ARHGAP5: variants seen among roughly 807,000 people sequenced by gnomAD.
ARHGAP5 encodes rho GTPase-activating protein 5.
A neutral mutation model predicts 116.6 loss-of-function variants in ARHGAP5; 23 were observed. The observed-to-expected ratio is 0.20, with a 90% CI of 0.14 to 0.28. The LOEUF (loss-of-function observed/expected upper bound fraction) is 0.28. ARHGAP5 is among the 10% of genes least tolerant of loss of function. The pLI is 1.00. For synonymous variants in ARHGAP5, 574 were observed against 602.0 expected (o/e 0.95, Z 0.68); for missense variants, 1,405 against 1,774.8 (o/e 0.79, Z 3.74).
Position 32,157,267 on chromosome 14 carries a change from T to G in ARHGAP5, c.*2319T>G, listed in dbSNP as rs946790960. On this transcript the variant is annotated 3_prime_UTR_variant, in exon 7 of 7. Coordinates refer to ENST00000345122, the MANE Select transcript of ARHGAP5 (RefSeq NM_001030055.2). ...TTTGTTTTTGCCAAGGGTTTAGATA[T>G]GCTTTTAAATATTAGAAACATCTAA... 6.6e-6 allele frequency: 1 copy of G among 152,144 alleles called. No individual in the cohort carries two copies. Among genetic ancestry groups the G allele is most frequent in the Non-Finnish European group, 1.5e-5 (1 of 67,760 alleles). 9.4% of individuals were successfully genotyped at this position (152,144 alleles called of 1,614,324 possible).
At chr14:32,145,312 C>T (rs1881324698) in intron 3 of ARHGAP5, among the ~76,000 whole-genome samples, 1 of 152,202 alleles carries the variant, frequency 6.6e-6, no homozygotes, top group Non-Finnish European at 1.5e-5. Flanking sequence ...GAAGTCTAGG[C>T]TTCCCAGTTG....
intron 5 of ARHGAP5, 94 bp downstream of exon 5, chr14:32,150,127 T>A: frequency 9.7e-7 from 1 of 1,027,278 alleles, no homozygotes; most frequent in Non-Finnish European, 1.3e-6. Context: ...CTAGAATATG[T>A]AGCTAATAAA....
intron 1 of ARHGAP5, among the ~76,000 whole-genome samples, chr14:32,079,027 T>C (rs2041744562): frequency 1.3e-5 from 2 of 152,214 alleles, no homozygotes; most frequent in Non-Finnish European, 2.9e-5. Flanking sequence ...CCATTACCTT[T>C]ATCTGTAGTA....
chr14:32,079,900 A>G (rs2041755048), intron 1 of ARHGAP5, among the ~76,000 whole-genome samples: 1 of 152,196 alleles, frequency 6.6e-6, no homozygotes, highest in Non-Finnish European at 1.5e-5. Context: ...TAATTGGCTG[A>G]AGAAGCATTG....
rs1039399162 is a variant in ARHGAP5 at position 32,154,723 on chromosome 14, G to T, written c.4284G>T (p.Leu1428=). 3.7e-6 allele frequency: 6 copies of T among 1,613,996 alleles called. No homozygotes were observed. In the Admixed American group the frequency reaches 6.7e-5, roughly 18 times the overall value. The change falls in exon 7 of 7, where the codon CTG becomes CTT. Residue 1428 remains leucine, a synonymous_variant. Transcript: ENST00000345122. ...CTGATTTTGAAAATCGAGAGTTTCT[G>T]TCTACTACTAAGATTCATCAATCTG... ...MRPDFENREF[L]STTKIHQSVV...
Position 32,093,143 on chromosome 14 carries a change from A to C in ARHGAP5, c.2474A>C (p.Lys825Thr). The C allele has an allele frequency of 1.2e-6, 2 of 1,614,018 alleles. No individual in the cohort carries two copies. Among genetic ancestry groups the C allele is most frequent in the South Asian group, 2.2e-5 (2 of 91,066 alleles). The change falls in exon 2 of 7, where the codon AAA becomes ACA. Residue 825 changes from lysine to threonine, a missense_variant. Physicochemically the swap from Lys to Thr is moderately conservative, Grantham distance 78. Transcript: ENST00000345122. ...SLMLDKIIGE[K>T]RRRIQITILS... Reference sequence around the variant, plus strand: ...ATGCTTGATAAAATCATTGGTGAAAAAAGGAGGCGAATACAGATCACAATA... The same window carrying C: ...ATGCTTGATAAAATCATTGGTGAAACAAGGAGGCGAATACAGATCACAATA...
chr14:32,128,551 C>T (rs546317497), intron 3 of ARHGAP5, among the ~76,000 whole-genome samples: 3 of 152,354 alleles, frequency 2.0e-5, no homozygotes, highest in East Asian at 1.9e-4. Context: ...GAGGCTGGCC[C>T]GCCTCTGCGT....
chr14:32,083,252 A>G (rs943569326), intron 1 of ARHGAP5, among the ~76,000 whole-genome samples: 1 of 152,270 alleles, frequency 6.6e-6, no homozygotes, highest in Non-Finnish European at 1.5e-5. Flanking sequence ...ACATTTTGAA[A>G]TGGTTGGGGG....
At position 32,152,676 on chromosome 14, in the gene ARHGAP5, A is replaced by G. The variant is rs1156554956; in HGVS notation, c.4181+148A>G. On this transcript the variant is annotated intron_variant, in intron 6 of 6. Coordinates refer to ENST00000345122, the MANE Select transcript of ARHGAP5 (RefSeq NM_001030055.2). ...ATTTTGTTTTTCTAATTTATATCTAAAAAGATATATGATTAGTTTTGTAAT... is the reference window on the plus strand; with the variant it reads ...ATTTTGTTTTTCTAATTTATATCTAGAAAGATATATGATTAGTTTTGTAAT... The G allele has an allele frequency of 5.2e-5, 25 of 484,416 alleles. No homozygotes were observed. The South Asian group carries it at 7.4e-4, about 14-fold the overall frequency. 30.0% of individuals were successfully genotyped at this position (484,416 alleles called of 1,614,324 possible). A position where few individuals can be genotyped will look rare whatever the true frequency, so the allele number is the denominator to read the frequency against.
Position 32,091,431 on chromosome 14 carries a change from A to G in ARHGAP5, c.762A>G (p.Lys254=). 2 of 1,610,774 alleles carry G rather than the reference A, an allele frequency of 1.2e-6. No homozygotes were observed. The highest frequency in any genetic ancestry group is 1.7e-6 in the Non-Finnish European group (2 of 1,178,808). ...TGGATAAAACTCGTAGCAAGCCTAA[A>G]ATTATTCCCTATTTGGATGCTTATA... ...QMLDKTRSKP[K]IIPYLDAYKT... Residue 254 remains lysine, a synonymous_variant, in exon 2 of 7, where the codon AAA becomes AAG. Coordinates refer to ENST00000345122, the MANE Select transcript of ARHGAP5 (RefSeq NM_001030055.2).
chr14:32,091,983 G>A lies in ARHGAP5; in HGVS notation c.1314G>A (p.Leu438=). Residue 438 remains leucine, a synonymous_variant, in exon 2 of 7, where the codon TTG becomes TTA. Coordinates refer to ENST00000345122, the MANE Select transcript of ARHGAP5 (RefSeq NM_001030055.2). ...VEMKEKFKKT[L]EKIQFISPGQ... is the part of the protein sequence containing the mutation. ...TGAAGGAAAAATTCAAAAAGACTTT[G>A]GAAAAAATTCAATTCATTTCACCAG... The A allele has an allele frequency of 6.2e-7, 1 of 1,613,618 alleles. No homozygotes were observed. The highest frequency in any genetic ancestry group is 8.5e-7 in the Non-Finnish European group (1 of 1,179,684).
rs140370637 is a variant in ARHGAP5, at chr14:32,098,207, T to C, written c.3717+3821T>C. ...GGTGGTAGTGTGTATGCTCATTCTA[T>C]CATATAATATAAAACTTCAAGACAG... On this transcript the variant is annotated intron_variant, in intron 2 of 6. Transcript: ENST00000345122. Among the ~76,000 whole-genome samples, 543 of 152,296 alleles carry C rather than the reference T, an allele frequency of 3.6e-3. 4 individuals are homozygous for C. Among genetic ancestry groups the C allele is most frequent in the African/African-American group, 0.012 (519 of 41,576 alleles).
rs190485053 is a variant in ARHGAP5, at chr14:32,091,149, A to G, written c.480A>G (p.Leu160=). 13 of 1,613,708 alleles carry G rather than the reference A, an allele frequency of 8.1e-6. No homozygotes were observed. The Admixed American group carries it at 1.3e-4, about 17-fold the overall frequency. Reference sequence around the variant, plus strand: ...GGAAGCTCAACGTAGATGGATTTTTATTATGCATTGATGTAAGTCAAGGAT... The same window carrying G: ...GGAAGCTCAACGTAGATGGATTTTTGTTATGCATTGATGTAAGTCAAGGAT... ...PEGKLNVDGF[L]LCIDVSQGCN... The change falls in exon 2 of 7, where the codon TTA becomes TTG. Residue 160 remains leucine, a synonymous_variant. Transcript: ENST00000345122.
intron 1 of ARHGAP5, among the ~76,000 whole-genome samples, chr14:32,082,134 G>A (rs570840474): frequency 1.3e-5 from 2 of 152,292 alleles, no homozygotes; most frequent in Admixed American, 6.5e-5. Context: ...ACCTCCTGCT[G>A]TGCAGCCCAG....
chr14:32,143,202 A>T (rs376765233), intron 3 of ARHGAP5, among the ~76,000 whole-genome samples: 13 of 145,440 alleles, frequency 8.9e-5, no homozygotes, highest in East Asian at 6.1e-4. Context: ...ACATTATTTT[A>T]GTTGTTGTTG....
chr14:32,146,055 C>T (rs1881362511), intron 3 of ARHGAP5, among the ~76,000 whole-genome samples: 1 of 151,850 alleles, frequency 6.6e-6, no homozygotes, highest in African/African-American at 2.4e-5. Context: ...GCTACAGGTG[C>T]ATGCCACCAT....
intron 1 of ARHGAP5, among the ~76,000 whole-genome samples, chr14:32,088,313 TAA>T (rs2041851142): frequency 6.6e-6 from 1 of 152,000 alleles, no homozygotes; most frequent in Admixed American, 6.6e-5. Flanking sequence ...AATCACCAGA[TAA>T]GTCTTCTTTT....
rs1881701106 is a variant in ARHGAP5 at position 32,152,757 on chromosome 14, C to G, written c.4181+229C>G. ...AGTATATTTTCCTTTTTACCACATT[C>G]TCTGTAAAATCTTAGAATTTTAGAT... On this transcript the variant is annotated intron_variant, in intron 6 of 6. Coordinates refer to ENST00000345122, the MANE Select transcript of ARHGAP5 (RefSeq NM_001030055.2). Among the ~76,000 whole-genome samples the G allele has an allele frequency of 2.0e-5, 3 of 152,164 alleles. No homozygotes were observed. In the South Asian group the frequency reaches 6.2e-4, roughly 32 times the overall value.
chr14:32,128,430 C>G (rs918439181), intron 3 of ARHGAP5, among the ~76,000 whole-genome samples: 11 of 152,258 alleles, frequency 7.2e-5, no homozygotes, highest in Non-Finnish European at 2.9e-5. Flanking sequence ...CTTGCAAGGG[C>G]GTGGCCCGCC....
Sources: allele counts gnomAD v4.1 joint callset (sites outside exome capture counted in the v4.1 genomes callset), GRCh38; gene constraint gnomAD v4.1.1; transcripts MANE v1.5; gene names NCBI Gene and HGNC (gene_info 2026-07-23, HGNC 2026-07-21).